Variants in SCAPER observed in about 807,000 individuals in gnomAD.
The protein encoded by SCAPER is S-phase cyclin A associated protein in the ER.
A neutral mutation model predicts 182.2 loss-of-function variants in SCAPER; 98 were observed. That is an observed-to-expected ratio of 0.54 (90% CI 0.46 to 0.64). The LOEUF is 0.64. Ranked by LOEUF, SCAPER falls within the 30% of genes least tolerant of loss-of-function variation. The pLI is 0.00. For missense variants in SCAPER, 1,432 were observed against 1,690.0 expected, an observed-to-expected ratio of 0.85 and a Z score of 2.68; for synonymous variants, 605 against 564.6, an observed-to-expected ratio of 1.07 and a Z score of -1.01.
chr15:76,766,933 G>T lies in SCAPER; in HGVS notation c.1404C>A (p.Asn468Lys). Residue 468 changes from asparagine to lysine, a missense_variant, in exon 11 of 32, where the codon AAC (asparagine) becomes AAA (lysine). Physicochemically the swap from Asn to Lys is moderately conservative, Grantham distance 94. This residue lies in a region of SCAPER where 128 missense variants were observed against 149.9 expected (regional missense o/e 0.85). Transcript: ENST00000563290. Reference sequence around the variant, plus strand: ...AAAAGCTCACAGAAAAATCACTGTCGTTGTCAGTTTCAATGTTAATATCAT... The same window carrying T: ...AAAAGCTCACAGAAAAATCACTGTCTTTGTCAGTTTCAATGTTAATATCAT... Reference protein sequence around the residue: ...ENNDINIETDNDSDFSASMGS... With the variant: ...ENNDINIETDKDSDFSASMGS... 1.3e-6 allele frequency: 2 copies of T among 1,595,932 alleles called. No homozygotes were observed. Among genetic ancestry groups the T allele is most frequent in the East Asian group, 2.2e-5 (1 of 44,658 alleles).
At chr15:76,616,424 A>G (rs2051491799) in intron 22 of SCAPER, among the ~76,000 whole-genome samples, 1 of 152,186 alleles carries the variant, frequency 6.6e-6, no homozygotes, top group South Asian at 2.1e-4. Flanking sequence ...AGTAGTCAAA[A>G]TCATAATAAT....
intron 20 of SCAPER, among the ~76,000 whole-genome samples, chr15:76,667,272 C>T (rs1003996572): frequency 6.6e-6 from 1 of 152,136 alleles, no homozygotes. Flanking sequence ...GACTCCTTCA[C>T]TAGGTTTCCT....
At chr15:76,694,543 G>A (rs568336536) in intron 20 of SCAPER, among the ~76,000 whole-genome samples, 3 of 152,094 alleles carry the variant, frequency 2.0e-5, no homozygotes, top group Admixed American at 6.5e-5. Flanking sequence ...TGGAAAAATA[G>A]TTAAGATGGC....
At chr15:76,561,580 C>T (rs2046625811) in intron 23 of SCAPER, among the ~76,000 whole-genome samples, 1 of 151,982 alleles carries the variant, frequency 6.6e-6, no homozygotes, top group Admixed American at 6.6e-5. Flanking sequence ...CTTTTCTTAG[C>T]ACTGTTTTAG....
intron 14 of SCAPER, among the ~76,000 whole-genome samples, chr15:76,756,243 C>CAAAAAAA (rs34158299): frequency 1.5e-5 from 1 of 65,996 alleles, no homozygotes; most frequent in Non-Finnish European, 2.7e-5. Context: ...GACTCCGTCT[C>CAAAAAAA]AAAAAAAAAA....
intron 25 of SCAPER, among the ~76,000 whole-genome samples, chr15:76,447,167 G>C (rs1337693198): frequency 6.6e-6 from 1 of 152,166 alleles, no homozygotes; most frequent in African/African-American, 2.4e-5. Flanking sequence ...AATAGGATAG[G>C]GTTTGAAGAG....
At chr15:76,892,762 G>C (rs1449509192) in intron 1 of SCAPER, among the ~76,000 whole-genome samples, 1 of 152,210 alleles carries the variant, frequency 6.6e-6, no homozygotes, top group African/African-American at 2.4e-5. Flanking sequence ...AAACAGTGTG[G>C]CGATTCCTCA....
chr15:76,507,788 A>G (rs899421229), intron 23 of SCAPER, among the ~76,000 whole-genome samples: 1 of 152,184 alleles, frequency 6.6e-6, no homozygotes, highest in African/African-American at 2.4e-5. Context: ...TTATTAATGT[A>G]AAAATATTTC....
At chr15:76,843,888 A>G (rs1329354459) in intron 4 of SCAPER, among the ~76,000 whole-genome samples, 2 of 152,226 alleles carry the variant, frequency 1.3e-5, no homozygotes, top group East Asian at 3.8e-4. Context: ...TAGCAGTGGT[A>G]ATAACAATTG....
At chr15:76,448,645 A>G (rs767037510) in intron 25 of SCAPER, among the ~76,000 whole-genome samples, 4 of 152,176 alleles carry the variant, frequency 2.6e-5, no homozygotes, top group African/African-American at 4.8e-5. Context: ...AAGAAAACTA[A>G]AAAGGTATTC....
At chr15:76,721,227 G>A (rs2060219082) in intron 17 of SCAPER, among the ~76,000 whole-genome samples, 1 of 152,132 alleles carries the variant, frequency 6.6e-6, no homozygotes, top group African/African-American at 2.4e-5. Flanking sequence ...TCAAAGATCA[G>A]GTAGTTGTAG....
chr15:76,763,863 T>A (rs2062946488), intron 14 of SCAPER, among the ~76,000 whole-genome samples: 1 of 152,220 alleles, frequency 6.6e-6, no homozygotes, highest in Non-Finnish European at 1.5e-5. Context: ...GTTGTTTTCC[T>A]GATTTTGTTA....
At chr15:76,595,480 G>A (rs1346279751) in intron 22 of SCAPER, among the ~76,000 whole-genome samples, 1 of 121,404 alleles carries the variant, frequency 8.2e-6, no homozygotes, top group Non-Finnish European at 2.0e-5. Context: ...GACATCTACA[G>A]AACTCTCCAC....
intron 25 of SCAPER, among the ~76,000 whole-genome samples, chr15:76,463,306 T>C (rs1472734917): frequency 6.6e-6 from 1 of 152,256 alleles, no homozygotes; most frequent in South Asian, 2.1e-4. Flanking sequence ...AACAATGTGG[T>C]GAATGGAGAG....
At chr15:76,651,739 G>A (rs1327084864) in intron 21 of SCAPER, among the ~76,000 whole-genome samples, 1 of 148,154 alleles carries the variant, frequency 6.7e-6, no homozygotes, top group African/African-American at 2.5e-5. Context: ...AAAAGCTGGA[G>A]ATGAGAGACC....
At chr15:76,852,223 G>C (rs1232129346) in intron 4 of SCAPER, among the ~76,000 whole-genome samples, 1 of 152,186 alleles carries the variant, frequency 6.6e-6, no homozygotes, top group African/African-American at 2.4e-5. Context: ...AAGAGACTTA[G>C]ACTCCCACAC....
chr15:76,481,045 T>C (rs2051093281), intron 24 of SCAPER, among the ~76,000 whole-genome samples: 1 of 152,206 alleles, frequency 6.6e-6, no homozygotes, highest in African/African-American at 2.4e-5. Context: ...ATTCTACTTT[T>C]TAATGCTGAT....
chr15:76,611,836 C>T (rs938869097), intron 22 of SCAPER, among the ~76,000 whole-genome samples: 3 of 152,148 alleles, frequency 2.0e-5, no homozygotes, highest in Non-Finnish European at 4.4e-5. Flanking sequence ...GAACTAAAGA[C>T]AAAAACCACA....
intron 26 of SCAPER, among the ~76,000 whole-genome samples, chr15:76,432,297 T>C (rs2046922051): frequency 6.6e-6 from 1 of 152,134 alleles, no homozygotes; most frequent in Non-Finnish European, 1.5e-5. Flanking sequence ...GTAAGATAAA[T>C]GGTTGTGGCC....
Sources: gnomAD v4.1 joint callset for allele counts (sites outside exome capture counted in the v4.1 genomes callset) on GRCh38, gnomAD v4.1.1 for gene constraint, gnomAD v4.1.1 regional missense constraint, MANE v1.5 for transcripts, NCBI Gene and HGNC (gene_info 2026-07-23, HGNC 2026-07-21) for gene names.